Variants in SEC22A observed in about 807,000 individuals in gnomAD.
The protein encoded by SEC22A is vesicle-trafficking protein SEC22a.
In SEC22A, 22 loss-of-function variants were observed where a neutral mutation model predicts 35.3. That is an observed-to-expected ratio of 0.62 (90% CI 0.45 to 0.89). The LOEUF is 0.89. Among genes scored for constraint, SEC22A ranks in the 40% least tolerant of loss-of-function variants. The probability of loss-of-function intolerance (pLI) is 0.00; values close to 1 mark genes in which losing one functional copy is unlikely to be tolerated. For missense variants in SEC22A, 354 were observed against 362.5 expected (o/e 0.98, Z 0.19); for synonymous variants, 119 against 129.5 (o/e 0.92, Z 0.55).
chr3:123,251,139 A>G (rs1451826087), intron 5 of SEC22A, among the ~76,000 whole-genome samples: 2 of 152,214 alleles, frequency 1.3e-5, no homozygotes, highest in African/African-American at 4.8e-5. Context: ...GGGCATTGCA[A>G]CTTCTTCCTG....
chr3:123,266,947 C>A (rs945227236), intron 6 of SEC22A, among the ~76,000 whole-genome samples: 8 of 152,140 alleles, frequency 5.3e-5, no homozygotes, highest in African/African-American at 9.6e-5. Flanking sequence ...GGTTCATACA[C>A]ATTTAGGATT....
chr3:123,261,912 G>T (rs967321737), intron 6 of SEC22A, among the ~76,000 whole-genome samples: 1 of 152,144 alleles, frequency 6.6e-6, no homozygotes, highest in African/African-American at 2.4e-5. Flanking sequence ...GAGTTGCTTC[G>T]TGGTAGAGTG....
chr3:123,229,870 A>AAT (rs368071643), intron 4 of SEC22A, among the ~76,000 whole-genome samples: 29,181 of 151,098 alleles, frequency 0.19, 2,914 homozygotes, highest in Middle Eastern at 0.27. Context: ...TCAAAAAAAA[A>AAT]AAATAAATAA....
intron 2 of SEC22A, among the ~76,000 whole-genome samples, chr3:123,218,451 A>T (rs948533867): frequency 9.2e-5 from 14 of 151,978 alleles, no homozygotes; most frequent in Non-Finnish European, 2.9e-5. Flanking sequence ...AAGAGGAGAG[A>T]GTGTGTGTTT....
intron 3 of SEC22A, among the ~76,000 whole-genome samples, chr3:123,224,071 C>G (rs1203463220): frequency 6.6e-6 from 1 of 152,020 alleles, no homozygotes; most frequent in East Asian, 1.9e-4. Flanking sequence ...TGGAAAGGAC[C>G]AGATAGTACA....
At chr3:123,238,145 C>G (rs575832525) in intron 4 of SEC22A, among the ~76,000 whole-genome samples, 260 of 147,528 alleles carry the variant, frequency 1.8e-3, no homozygotes, top group Non-Finnish European at 2.3e-3. Flanking sequence ...CAGAGTGAGA[C>G]CCTGTCTCAA....
intron 4 of SEC22A, among the ~76,000 whole-genome samples, chr3:123,228,297 G>A (rs920667327): frequency 6.6e-6 from 1 of 151,444 alleles, no homozygotes; most frequent in Non-Finnish European, 1.5e-5. Context: ...CAGGTGTGGA[G>A]GCTCACACCT....
At chr3:123,220,779 C>T (rs1937105580) in intron 2 of SEC22A, among the ~76,000 whole-genome samples, 1 of 150,692 alleles carries the variant, frequency 6.6e-6, no homozygotes, top group African/African-American at 2.4e-5. Context: ...CACTATTTCA[C>T]CACTAGTATA....
rs1197334913 is a variant in SEC22A at position 123,273,173 on chromosome 3, ATATT to A, written c.*1456_*1459del. The A allele has an allele frequency of 2.6e-5, 4 of 152,236 alleles. No individual in the cohort carries two copies. Among genetic ancestry groups the A allele is most frequent in the Admixed American group, 1.3e-4 (2 of 15,288 alleles). The allele number at this position is 152,236 out of a possible 1,614,324, so 9.4% of individuals were successfully genotyped here. On this transcript the variant is annotated 3_prime_UTR_variant, in exon 7 of 7. Transcript: ENST00000492595. The stretch of plus-strand genomic sequence containing the variant: ...TACATTGTAATTGTTGTTACTAGGC[ATATT>A]TATTAAGTAGAGAAATAGAGGGTAA...
intron 5 of SEC22A, among the ~76,000 whole-genome samples, chr3:123,253,120 C>A (rs556810465): frequency 1.2e-4 from 18 of 152,100 alleles, no homozygotes; most frequent in Non-Finnish European, 2.5e-4. Context: ...AAAATGGAAT[C>A]TTTTGATATC....
chr3:123,209,137 A>G, intron 1 of SEC22A, 62 bp from the exon 2 acceptor site: 1 of 1,308,294 alleles, frequency 7.6e-7, no homozygotes, highest in African/African-American at 1.5e-5. Context: ...GAACATTTTT[A>G]CATATGCTTA....
intron 3 of SEC22A, 83 bp from the exon 4 acceptor site, chr3:123,225,020 A>T: frequency 1.2e-6 from 1 of 856,690 alleles, no homozygotes; most frequent in Non-Finnish European, 1.8e-6. Context: ...ACTACCTGTA[A>T]TATTTACTAT....
intron 5 of SEC22A, among the ~76,000 whole-genome samples, chr3:123,250,416 A>AT (rs1163848643): frequency 2.5e-4 from 38 of 152,082 alleles, no homozygotes; most frequent in African/African-American, 9.2e-4. Flanking sequence ...TCTCAAAAAA[A>AT]AAATAAAAAA....
intron 6 of SEC22A, among the ~76,000 whole-genome samples, chr3:123,260,152 A>ACC (rs1156847816): frequency 6.8e-6 from 1 of 146,994 alleles, no homozygotes; most frequent in Non-Finnish European, 1.5e-5. Context: ...AAAAAAAAAA[A>ACC]AAAAAAAAAA....
rs967821268 is a variant in SEC22A at position 123,220,987 on chromosome 3, G to A, written c.183-2572G>A. Among the ~76,000 whole-genome samples the A allele has an allele frequency of 6.6e-5, 10 of 150,650 alleles. 1 individual carries two copies. Among genetic ancestry groups the A allele is most frequent in the African/African-American group, 2.4e-4 (10 of 41,042 alleles). On this transcript the variant is annotated intron_variant, in intron 2 of 6. Coordinates refer to ENST00000492595, the MANE Select transcript of SEC22A (RefSeq NM_012430.5). ...TTATTACTAACCTGAATTGCCCAAG[G>A]GAAGGAGAACTGGGTATCTGGGCAA...
chr3:123,206,709 A>G (rs534049706), intron 1 of SEC22A, among the ~76,000 whole-genome samples: 7 of 152,322 alleles, frequency 4.6e-5, no homozygotes, highest in African/African-American at 1.2e-4. Context: ...AAAAACACCA[A>G]TTGGGATATG....
chr3:123,226,323 G>A (rs1292184270), intron 4 of SEC22A, among the ~76,000 whole-genome samples: 3 of 152,134 alleles, frequency 2.0e-5, no homozygotes, highest in Admixed American at 6.5e-5. Context: ...CCCACCAACA[G>A]TGTTCCCTTT....
chr3:123,266,991 A>G (rs1323024446), intron 6 of SEC22A, among the ~76,000 whole-genome samples: 2 of 152,096 alleles, frequency 1.3e-5, no homozygotes, highest in African/African-American at 4.8e-5. Flanking sequence ...CCCATTTATC[A>G]TTATATATGT....
chr3:123,255,905 A>G (rs1262347444), intron 5 of SEC22A, among the ~76,000 whole-genome samples: 2 of 148,004 alleles, frequency 1.4e-5, no homozygotes, highest in African/African-American at 5.0e-5. Context: ...CCTACCTACC[A>G]TTTTACTTTC....
Sources: allele counts gnomAD v4.1 joint callset (sites outside exome capture counted in the v4.1 genomes callset), GRCh38; gene constraint gnomAD v4.1.1; transcripts MANE v1.5; gene names NCBI Gene and HGNC (gene_info 2026-07-23, HGNC 2026-07-21).